RAPSN: variants seen among roughly 807,000 people sequenced by gnomAD.
RAPSN encodes the protein 43 kDa receptor-associated protein of the synapse.
RAPSN carries 33 observed loss-of-function variants against 45.7 expected under a neutral mutation model. The observed-to-expected ratio is 0.72, with a 90% confidence interval of 0.55 to 0.97. The LOEUF (loss-of-function observed/expected upper bound fraction) is 0.97. RAPSN is among the 50% of genes least tolerant of loss of function. RAPSN has a pLI of 0.00. For synonymous variants in RAPSN, 244 were observed against 233.6 expected (o/e 1.04, Z -0.40); for missense variants, 519 against 559.4 (o/e 0.93, Z 0.73).
chr11:47,442,936 T>C, intron 2 of RAPSN, 122 bp from the exon 3 acceptor site: 1 of 1,500,764 alleles, frequency 6.7e-7, no homozygotes, highest in Non-Finnish European at 9.0e-7. Flanking sequence ...GTCTGCTCAT[T>C]CATTGTGACA....
rs573051755 is a variant in RAPSN, at chr11:47,446,777, C to T, written c.531+1035G>A. 1.9e-3 allele frequency among the ~76,000 whole-genome samples: 290 copies of T among 152,228 alleles called. 1 individual carries two copies. The highest frequency in any genetic ancestry group is 0.014 in the Middle Eastern group (4 of 294). On this transcript the variant is annotated intron_variant, in intron 2 of 7. Coordinates refer to ENST00000298854, the MANE Select transcript of RAPSN (RefSeq NM_005055.5). ...AAAATTAGCCGGGCGTGGTGGTATA[C>T]GCCTGTAGTCCCAGCTACTTGGGAG...
chr11:47,448,498 C>T (rs1430930552), intron 1 of RAPSN, among the ~76,000 whole-genome samples: 1 of 147,954 alleles, frequency 6.8e-6, no homozygotes, highest in Admixed American at 6.8e-5. Context: ...CTGAAACCTA[C>T]AATGGGCTTG....
At chr11:47,447,238 G>A (rs550278279) in intron 2 of RAPSN, among the ~76,000 whole-genome samples, 44 of 152,138 alleles carry the variant, frequency 2.9e-4, no homozygotes, top group African/African-American at 8.2e-4. Flanking sequence ...ACACCCCCAC[G>A]CCCAGTGCTG....
chr11:47,442,933 C>T, intron 2 of RAPSN, 119 bp from the exon 3 acceptor site: 1 of 1,515,620 alleles, frequency 6.6e-7, no homozygotes, highest in African/African-American at 1.4e-5. Flanking sequence ...AGTGTCTGCT[C>T]ATTCATTGTG....
In RAPSN at chr11:47,438,866, T is replaced by A; in HGVS notation, c.1032A>T (p.Glu344Asp). The A allele has an allele frequency of 6.4e-7, 1 of 1,567,650 alleles. No individual in the cohort carries two copies. Among genetic ancestry groups the A allele is most frequent in the Non-Finnish European group, 8.7e-7 (1 of 1,155,586 alleles). ...GGAACCTCACAACGTGCGCCCGCAG[T>A]TCCCGCTGCAGCCCTTTGCTGCGGT... is the stretch of plus-strand genomic sequence containing the variant. ...SIYRSKGLQR[E>D]LRAHVVRFHE... The change falls in exon 7 of 8, where the codon GAA becomes GAT. Residue 344 changes from glutamate (E) to aspartate (D), a missense_variant. Transcript: ENST00000298854.
intron 2 of RAPSN, among the ~76,000 whole-genome samples, chr11:47,446,488 C>T (rs1166071124): frequency 6.6e-6 from 1 of 152,150 alleles, no homozygotes; most frequent in Non-Finnish European, 1.5e-5. Flanking sequence ...CCCATCCCAC[C>T]TTGGATCCAT....
Position 47,445,488 on chromosome 11 carries a change from C to T in RAPSN, c.531+2324G>A, listed in dbSNP as rs138318764. ...GCGTGTGCCGGTAGTCCCAGCTACT[C>T]GGGAGGCTGAGCCAGGAGAATCGCT... On this transcript the variant is annotated intron_variant, in intron 2 of 7. Transcript: ENST00000298854. 4.7e-3 allele frequency among the ~76,000 whole-genome samples: 691 copies of T among 146,414 alleles called. 6 individuals carry two copies. Among genetic ancestry groups the T allele is most frequent in the African/African-American group, 0.017 (663 of 39,732 alleles).
At chr11:47,439,046 G>A in intron 6 of RAPSN, 115 bp from the exon 7 acceptor site, 1 of 1,164,864 alleles carries the variant, frequency 8.6e-7, no homozygotes, top group Non-Finnish European at 1.2e-6. Context: ...AAAATGTCCT[G>A]CCCTCTCTGG....
rs914883000 is a variant in RAPSN, at chr11:47,442,051, G to C, written c.691-130C>G. The C allele has an allele frequency of 4.1e-6, 4 of 972,550 alleles. 1 individual carries two copies. Among genetic ancestry groups the C allele is most frequent in the African/African-American group, 3.2e-5 (2 of 62,224 alleles). 60.2% of individuals were successfully genotyped at this position (972,550 alleles called of 1,614,324 possible). ...CTCAGAGCCTAGTGAATCTATCATG[G>C]TGCTGAGGGCTCACACACTGAACCA... On this transcript the variant is annotated intron_variant, in intron 3 of 7. Coordinates refer to ENST00000298854, the MANE Select transcript of RAPSN (RefSeq NM_005055.5).
rs1161231934 is a variant in RAPSN, at chr11:47,443,931, C to CAAAAAAAAAAAAAAAAAAAAAAA, written c.532-1140_532-1118dup. On this transcript the variant is annotated intron_variant, in intron 2 of 7. Transcript: ENST00000298854. ...GGTGACAGAGGCAGACTCTGTCTCA[C>CAAAAAAAAAAAAAAAAAAAAAAA]AAAAAAAAAAAAAAAAAAAAAAAAA... Among the ~76,000 whole-genome samples the CAAAAAAAAAAAAAAAAAAAAAAA allele has an allele frequency of 6.3e-3, 88 of 13,954 alleles. 4 individuals are homozygous for CAAAAAAAAAAAAAAAAAAAAAAA. The highest frequency in any genetic ancestry group is 0.12 in the Middle Eastern group (1 of 8). 9.2% of individuals were successfully genotyped at this position (13,954 alleles called of 152,430 possible).
rs1175401420 is a variant in RAPSN, at chr11:47,442,082, G to GT, written c.691-162dup. On this transcript the variant is annotated intron_variant, in intron 3 of 7. Transcript: ENST00000298854. ...AGGGCTCACACACTGAACCACTGAA[G>GT]TCACAGCACCCAGCAAGGTGGGTGG... Among the ~76,000 whole-genome samples, 33 of 152,320 alleles carry GT rather than the reference G, an allele frequency of 2.2e-4. No individual in the cohort carries two copies. In the East Asian group the frequency reaches 5.2e-3, roughly 24 times the overall value.
chr11:47,447,904 C>T lies in RAPSN; in HGVS notation c.439G>A (p.Glu147Lys), dbSNP rs560525099. The change falls in exon 2 of 8, where the codon GAG becomes AAG. Residue 147 changes from glutamate (E) to lysine (K), a missense_variant. Glu to Lys is a moderately conservative substitution (Grantham distance 56). Transcript: ENST00000298854. Reference protein sequence around the residue: ...SVFQKALESFEKALRYAHNND... With the variant: ...SVFQKALESFKKALRYAHNND... Reference sequence around the variant, plus strand: ...TTGTGGGCATAGCGCAGGGCCTTCTCGAAGCTCTCCAGGGCCTTCTGGAAG... The same window carrying T: ...TTGTGGGCATAGCGCAGGGCCTTCTTGAAGCTCTCCAGGGCCTTCTGGAAG... 3.3e-5 allele frequency: 54 copies of T among 1,613,192 alleles called. No individual in the cohort carries two copies. Among genetic ancestry groups the T allele is most frequent in the East Asian group, 4.5e-5 (2 of 44,850 alleles).
intron 7 of RAPSN, 135 bp from the exon 8 acceptor site, chr11:47,438,182 G>C (rs976916374): frequency 9.2e-7 from 1 of 1,085,788 alleles, no homozygotes; most frequent in Middle Eastern, 2.9e-4. Context: ...GAAGGGAAGG[G>C]AACGGTCCCC....
rs1340342787 is a variant in RAPSN, at chr11:47,438,911, G to C, written c.987C>G (p.His329Gln). ...VGNKLSQLKL[H>Q]CLSESIYRSK... ...TGCGGTAAATGCTCTCGCTCAGACA[G>C]TGCAGCTTGAGCTGGCTCAGCTGGG... The change falls in exon 7 of 8, where the codon CAC becomes CAG. Residue 329 changes from histidine to glutamine, a missense_variant. Transcript: ENST00000298854. 2 of 1,560,072 alleles carry C rather than the reference G, an allele frequency of 1.3e-6. No individual in the cohort carries two copies. Among genetic ancestry groups the C allele is most frequent in the African/African-American group, 2.7e-5 (2 of 73,790 alleles).
intron 7 of RAPSN, 152 bp from the exon 8 acceptor site, chr11:47,438,199 T>A: frequency 1.1e-6 from 1 of 940,574 alleles, no homozygotes; most frequent in Non-Finnish European, 1.6e-6. Flanking sequence ...CCCCCCAGGC[T>A]CCCACTGCAC....
At chr11:47,442,901 GC>G in intron 2 of RAPSN, 87 bp from the exon 3 acceptor site, 2 of 1,593,518 alleles carry the variant, frequency 1.3e-6, no homozygotes, top group Non-Finnish European at 1.7e-6. Flanking sequence ...TTCTCTAACA[GC>G]AGGTAGGGGC....
At chr11:47,442,629 G>A (rs751911078) in intron 3 of RAPSN, 27 bp downstream of exon 3, 22 of 1,541,856 alleles carry the variant, frequency 1.4e-5, no homozygotes, top group African/African-American at 8.2e-5. Context: ...CCTCATCCCC[G>A]ACCTGCCCCC....
At chr11:47,438,652 G>A (rs1174977150) in intron 7 of RAPSN, 80 bp downstream of exon 7, 3 of 1,490,562 alleles carry the variant, frequency 2.0e-6, no homozygotes, top group South Asian at 1.2e-5. Flanking sequence ...TAGTATTATT[G>A]CTGTGATTAA....
At chr11:47,446,533 T>G (rs935833766) in intron 2 of RAPSN, among the ~76,000 whole-genome samples, 3 of 152,110 alleles carry the variant, frequency 2.0e-5, no homozygotes, top group Non-Finnish European at 4.4e-5. Flanking sequence ...CAAGATTTAT[T>G]AAGCATCTAC....
Sources: gnomAD v4.1 joint callset for allele counts (sites outside exome capture counted in the v4.1 genomes callset) on GRCh38, gnomAD v4.1.1 for gene constraint, MANE v1.5 for transcripts, NCBI Gene and HGNC (gene_info 2026-07-23, HGNC 2026-07-21) for gene names.